The following HEMK2 variants were observed in gnomAD, a reference collection of about 807,000 sequenced individuals.
The protein encoded by HEMK2 is HemK methyltransferase 2, ETF1 glutamine and histone H4 lysine.
chr21:28,811,270 G>GAAAGAAAGAAAGAA, the HEMK2 span, among the ~76,000 whole-genome samples: 2 of 123,674 alleles, frequency 1.6e-5, no homozygotes, highest in African/African-American at 6.9e-5. Context: ...AAGAAAGAAA[G>GAAAGAAAGAAAGAA]AGAAAGAAAG....
the HEMK2 span, among the ~76,000 whole-genome samples, chr21:28,694,495 C>G: frequency 7.9e-5 from 12 of 152,138 alleles, no homozygotes; most frequent in Non-Finnish European, 1.3e-4. Flanking sequence ...GTTCTAAGCC[C>G]TTAATGTGGT....
At chr21:28,724,546 G>A in the HEMK2 span, among the ~76,000 whole-genome samples, 3 of 152,010 alleles carry the variant, frequency 2.0e-5, no homozygotes, top group Non-Finnish European at 2.9e-5. Flanking sequence ...AAACTTAACT[G>A]CTTGTTTGTT....
the HEMK2 span, among the ~76,000 whole-genome samples, chr21:28,689,966 T>C: frequency 6.6e-6 from 1 of 152,136 alleles, no homozygotes; most frequent in African/African-American, 2.4e-5. Context: ...ACTGGGTAAT[T>C]TATAAAGGAA....
chr21:28,603,838 A>G, the HEMK2 span, among the ~76,000 whole-genome samples: 313 of 152,238 alleles, frequency 2.1e-3, 1 homozygote, highest in African/African-American at 7.1e-3. Flanking sequence ...GGGTGACAGC[A>G]GTGTTGTCTT....
chr21:28,783,034 T>A, the HEMK2 span, among the ~76,000 whole-genome samples: 1 of 152,304 alleles, frequency 6.6e-6, no homozygotes, highest in Non-Finnish European at 1.5e-5. Context: ...GTATCCCTTA[T>A]CCAAAATGCT....
At chr21:28,635,504 C>T in the HEMK2 span, among the ~76,000 whole-genome samples, 2 of 152,072 alleles carry the variant, frequency 1.3e-5, no homozygotes, top group African/African-American at 4.8e-5. Context: ...TCATCATTAC[C>T]ACTAAAAATT....
the HEMK2 span, among the ~76,000 whole-genome samples, chr21:28,777,447 C>T: frequency 6.6e-6 from 1 of 152,194 alleles, no homozygotes; most frequent in Non-Finnish European, 1.5e-5. Flanking sequence ...GATGTAGTCA[C>T]ATGCCCATCC....
the HEMK2 span, among the ~76,000 whole-genome samples, chr21:28,679,546 G>A: frequency 6.6e-6 from 1 of 152,002 alleles, no homozygotes; most frequent in African/African-American, 2.4e-5. Context: ...CGCACCAAGA[G>A]GACCTAATAG....
At chr21:28,732,474 T>A in the HEMK2 span, among the ~76,000 whole-genome samples, 6 of 152,194 alleles carry the variant, frequency 3.9e-5, no homozygotes, top group Non-Finnish European at 7.3e-5. Context: ...TCTCCTAGGA[T>A]GGACTGCATA....
the HEMK2 span, among the ~76,000 whole-genome samples, chr21:28,630,991 T>A: frequency 2.0e-5 from 3 of 152,142 alleles, no homozygotes; most frequent in East Asian, 3.9e-4. Context: ...TTATGTAGGT[T>A]TAACAGTGAC....
At chr21:28,617,107 A>T in the HEMK2 span, among the ~76,000 whole-genome samples, 6 of 152,346 alleles carry the variant, frequency 3.9e-5, no homozygotes, top group East Asian at 1.2e-3. Flanking sequence ...CAACAAGGCA[A>T]TAGGTCAGAG....
At chr21:28,883,188 A>G in the HEMK2 span, 1 of 519,378 alleles carries the variant, frequency 1.9e-6, no homozygotes, top group Non-Finnish European at 3.2e-6. Flanking sequence ...ACTCACCTGC[A>G]AATATATGAA....
the HEMK2 span, among the ~76,000 whole-genome samples, chr21:28,753,752 C>T: frequency 1.3e-5 from 2 of 152,162 alleles, no homozygotes; most frequent in Admixed American, 6.5e-5. Context: ...ATTTATTCTG[C>T]TTAGTTTTAT....
chr21:28,879,575 T>C, the HEMK2 span, among the ~76,000 whole-genome samples: 1 of 152,192 alleles, frequency 6.6e-6, no homozygotes, highest in Non-Finnish European at 1.5e-5. Context: ...TTTTTATTCA[T>C]GATAAAGGAT....
chr21:28,876,510 G>A, the HEMK2 span: 2 of 1,558,608 alleles, frequency 1.3e-6, no homozygotes, highest in Non-Finnish European at 8.8e-7. Context: ...AAAATCAAAA[G>A]GTAAAATCCA....
At chr21:28,635,060 A>T in the HEMK2 span, among the ~76,000 whole-genome samples, 23 of 152,168 alleles carry the variant, frequency 1.5e-4, no homozygotes, top group South Asian at 6.2e-4. Flanking sequence ...GTTCAAAATT[A>T]ACTCTGAATG....
chr21:28,868,398 T>C, the HEMK2 span, among the ~76,000 whole-genome samples: 1 of 152,230 alleles, frequency 6.6e-6, no homozygotes, highest in African/African-American at 2.4e-5. Flanking sequence ...AAATATCTTT[T>C]AGGCTGTGCA....
the HEMK2 span, among the ~76,000 whole-genome samples, chr21:28,617,942 C>A: frequency 6.6e-6 from 1 of 152,148 alleles, no homozygotes; most frequent in Admixed American, 6.5e-5. Context: ...CATATGCCAT[C>A]AAGCCTGGCT....
chr21:28,786,356 A>G, the HEMK2 span, among the ~76,000 whole-genome samples: 1 of 152,224 alleles, frequency 6.6e-6, no homozygotes, highest in Non-Finnish European at 1.5e-5. Context: ...TTAAAACTTA[A>G]TCTAATACCC....
Sources: gnomAD v4.1 joint callset for allele counts (sites outside exome capture counted in the v4.1 genomes callset) on GRCh38, gnomAD v4.1.1 for gene constraint, MANE v1.5 for transcripts, NCBI Gene and HGNC (gene_info 2026-07-23, HGNC 2026-07-21) for gene names.